The following SLC6A12 variants were observed in gnomAD, a reference collection of about 807,000 sequenced individuals.
SLC6A12 encodes solute carrier family 6 member 12.
A neutral mutation model predicts 73.3 loss-of-function variants in SLC6A12; 50 were observed. The observed-to-expected ratio is 0.68, with a 90% confidence interval of 0.54 to 0.86. SLC6A12 has a LOEUF of 0.86. Among genes scored for constraint, SLC6A12 ranks in the 40% least tolerant of loss-of-function variants. The pLI is 0.00. For missense variants in SLC6A12, 648 were observed against 772.8 expected, an observed-to-expected ratio of 0.84 and a Z score of 1.92; for synonymous variants, 304 against 309.2, an observed-to-expected ratio of 0.98 and a Z score of 0.18.
downstream of SLC6A12, among the ~76,000 whole-genome samples, chr12:186,530 G>C (rs886800287): frequency 1.3e-5 from 2 of 152,242 alleles, no homozygotes; most frequent in Admixed American, 6.5e-5. Flanking sequence ...TGTAGTCCCT[G>C]TGTCAGCCAG....
Position 193,361 on chromosome 12 carries a change from A to G in SLC6A12, c.1446T>C (p.Tyr482=), listed in dbSNP as rs1164611946. 6.2e-7 allele frequency: 1 copy of G among 1,613,882 alleles called. No individual in the cohort carries two copies. The highest frequency in any genetic ancestry group is 8.5e-7 in the Non-Finnish European group (1 of 1,179,816). Residue 482 remains tyrosine, a synonymous_variant, in exon 14 of 16, where the codon TAT becomes TAC. Coordinates refer to ENST00000684302, the MANE Select transcript of SLC6A12 (RefSeq NM_001122848.3). ...ISWVYGADRF[Y]DNIEDMIGYR... is the part of the protein sequence containing the mutation. Reference sequence around the variant, plus strand: ...AGCCAATCATGTCCTCAATGTTGTCATAGAAACGGTCCGCCCCTGAGCAGG... The same window carrying G: ...AGCCAATCATGTCCTCAATGTTGTCGTAGAAACGGTCCGCCCCTGAGCAGG...
At chr12:197,102 C>CATCT (rs1939913496) in intron 10 of SLC6A12, among the ~76,000 whole-genome samples, 2 of 92,072 alleles carry the variant, frequency 2.2e-5, no homozygotes, top group Non-Finnish European at 4.6e-5. Context: ...TCCATCCATC[C>CATCT]ATCCATCCAT....
At position 198,148 on chromosome 12, in the gene SLC6A12, G is replaced by A; in HGVS notation, c.847-145C>T. ...TCCCTCCTGCATCCCAACTCTCCGT[G>A]AGTGCGCCCTCCGGTCTCCACGGTG... On this transcript the variant is annotated intron_variant, in intron 8 of 15. Coordinates refer to ENST00000684302, the MANE Select transcript of SLC6A12 (RefSeq NM_001122848.3). The surrounding 1 kb of genome is among the most constrained non-coding windows in gnomAD (Gnocchi z 4.0). The A allele has an allele frequency of 3.1e-6, 2 of 646,988 alleles. No individual in the cohort carries two copies. Among genetic ancestry groups the A allele is most frequent in the Non-Finnish European group, 5.5e-6 (2 of 365,440 alleles). The allele number at this position is 646,988 out of a possible 1,614,324, so 40.1% of individuals were successfully genotyped here.
chr12:200,838 C>T, intron 6 of SLC6A12, 55 bp from the exon 7 acceptor site: 13 of 1,562,448 alleles, frequency 8.3e-6, no homozygotes, highest in South Asian at 2.3e-5. Flanking sequence ...GGACAGTTTG[C>T]GTCTGTCAGC....
In SLC6A12 at chr12:190,351, C is replaced by T. The variant is rs1939540117; in HGVS notation, c.*717G>A. The T allele has an allele frequency of 6.6e-6, 1 of 152,258 alleles. No homozygotes were observed. Among genetic ancestry groups the T allele is most frequent in the Non-Finnish European group, 1.5e-5 (1 of 68,084 alleles). The allele number at this position is 152,258 out of a possible 1,614,324, so 9.4% of individuals were successfully genotyped here. A position where few individuals can be genotyped will look rare whatever the true frequency, so the allele number is the denominator to read the frequency against. On this transcript the variant is annotated 3_prime_UTR_variant, in exon 16 of 16. Transcript: ENST00000684302. ...TGGGAAAGAATCTGTGATCAGTTAG[C>T]AATATCGGCCTTGGGCAGAGGAACG...
intron 7 of SLC6A12, 200 bp from the exon 8 acceptor site, chr12:199,131 C>A (rs2137141950): frequency 1.6e-5 from 5 of 306,604 alleles, no homozygotes; most frequent in African/African-American, 2.2e-5. Context: ...GTGAGATACA[C>A]ATCAGCAGGG....
At chr12:197,876 C>T (rs374576997) in intron 9 of SLC6A12, 24 bp downstream of exon 9, 4 of 1,498,588 alleles carry the variant, frequency 2.7e-6, no homozygotes, top group Non-Finnish European at 3.7e-6. Context: ...TCCTTCACCC[C>T]ACCCCGGCCC....
chr12:197,202 CA>C (rs1178887028), intron 10 of SLC6A12, among the ~76,000 whole-genome samples, 174 bp downstream of exon 10: 2 of 48,766 alleles, frequency 4.1e-5, no homozygotes, highest in Admixed American at 3.0e-4. Flanking sequence ...TCCATTCATC[CA>C]TCCATGGAAG....
downstream of SLC6A12, among the ~76,000 whole-genome samples, chr12:186,802 G>A (rs1939437835): frequency 6.6e-6 from 1 of 152,144 alleles, no homozygotes; most frequent in Non-Finnish European, 1.5e-5. Flanking sequence ...ATGTCCAGGT[G>A]GGAGAGAGAC....
chr12:204,928 G>T, intron 3 of SLC6A12: 1 of 485,296 alleles, frequency 2.1e-6, no homozygotes, highest in South Asian at 3.6e-5. Flanking sequence ...GGCCTTGGAA[G>T]GGAAATTAGT....
intron 6 of SLC6A12, 76 bp downstream of exon 6, chr12:201,686 C>T: frequency 5.1e-6 from 6 of 1,178,302 alleles, no homozygotes; most frequent in Non-Finnish European, 7.6e-6. Context: ...TAAACTTGCA[C>T]CCCAGACATT....
At chr12:210,068 T>G (rs1294720655) in intron 2 of SLC6A12, 25 bp from the exon 3 acceptor site, 65 of 1,546,754 alleles carry the variant, frequency 4.2e-5, no homozygotes, top group Non-Finnish European at 5.5e-5. Context: ...AGAAATTAGC[T>G]GTAAAACCCG....
At position 213,513 on chromosome 12, in the gene SLC6A12, G is replaced by A. The variant is rs1940991396; in HGVS notation, c.-143+409C>T. 1 of 152,486 alleles carries A rather than the reference G, an allele frequency of 6.6e-6. No homozygotes were observed. Among genetic ancestry groups the A allele is most frequent in the Non-Finnish European group, 1.5e-5 (1 of 68,126 alleles). The allele number at this position is 152,486 out of a possible 1,614,324, so 9.4% of individuals were successfully genotyped here. ...GGCAGCGGGCAGGAACCCCTCACCT[G>A]TGATCATTTATTGCAGTTCCTGGGC... On this transcript the variant is annotated intron_variant, in intron 1 of 15. Transcript: ENST00000684302. The surrounding 1 kb of genome is among the most constrained non-coding windows in gnomAD (Gnocchi z 5.3).
chr12:203,799 A>AGCGAGGGGGC (rs1555108281), intron 4 of SLC6A12: 2 of 145,346 alleles, frequency 1.4e-5, no homozygotes, highest in African/African-American at 5.2e-5. Context: ...CTCGCGGGGG[A>AGCGAGGGGGC]GCGCGGGGGC....
rs980994788 is a variant in SLC6A12 at position 197,521 on chromosome 12, G to A, written c.951-20C>T. On this transcript the variant is annotated intron_variant, in intron 9 of 15. Coordinates refer to ENST00000684302, the MANE Select transcript of SLC6A12 (RefSeq NM_001122848.3). Reference sequence around the variant, plus strand: ...CAGTCCCTGTGGGAGTGGGGCAAGGGCAGACAGGAACGGGGAGGAAAAGAG... The same window carrying A: ...CAGTCCCTGTGGGAGTGGGGCAAGGACAGACAGGAACGGGGAGGAAAAGAG... The A allele has an allele frequency of 5.0e-6, 8 of 1,607,668 alleles. No homozygotes were observed. Among genetic ancestry groups the A allele is most frequent in the Non-Finnish European group, 6.8e-6 (8 of 1,176,934 alleles).
At chr12:207,016 C>A (rs148008749) in intron 3 of SLC6A12, among the ~76,000 whole-genome samples, 2 of 152,232 alleles carry the variant, frequency 1.3e-5, no homozygotes, top group African/African-American at 4.8e-5. Context: ...TCGCTCAGAC[C>A]GGGTCCTCCC....
Position 201,755 on chromosome 12 carries a change from C to T in SLC6A12, c.578+7G>A. On this transcript the variant is annotated splice_region_variant and intron_variant, in intron 6 of 15. Coordinates refer to ENST00000684302, the MANE Select transcript of SLC6A12 (RefSeq NM_001122848.3). Reference sequence around the variant, plus strand: ...CTTCATATGTGGCAAATGGGCCCAGCACCTACTCCCAGAATTCCATGACAG... The same window carrying T: ...CTTCATATGTGGCAAATGGGCCCAGTACCTACTCCCAGAATTCCATGACAG... The T allele has an allele frequency of 6.2e-7, 1 of 1,611,070 alleles. No individual in the cohort carries two copies. Among genetic ancestry groups the T allele is most frequent in the African/African-American group, 1.3e-5 (1 of 74,972 alleles).
rs376461090 is a variant in SLC6A12 at position 200,792 on chromosome 12, T to C, written c.579-9A>G. 3.7e-6 allele frequency: 6 copies of C among 1,611,322 alleles called. No homozygotes were observed. The highest frequency in any genetic ancestry group is 2.2e-5 in the East Asian group (1 of 44,784). ...TGCCCAGAACTCGTCTCCTGGAGGA[T>C]TGGGAAAAATAAGTAATGAGGGGAA... On this transcript the variant is annotated splice_polypyrimidine_tract_variant and intron_variant, in intron 6 of 15. Transcript: ENST00000684302.
At chr12:201,557 T>C in intron 6 of SLC6A12, 2 of 567,022 alleles carry the variant, frequency 3.5e-6, no homozygotes, top group South Asian at 4.0e-5. Context: ...ACATGACGGA[T>C]AAATGTGAGT....
Sources: allele counts gnomAD v4.1 joint callset (sites outside exome capture counted in the v4.1 genomes callset), GRCh38; gene constraint gnomAD v4.1.1; non-coding constraint Gnocchi (gnomAD v3.1); transcripts MANE v1.5; gene names NCBI Gene and HGNC (gene_info 2026-07-23, HGNC 2026-07-21).